Variants in CDH13 observed in about 807,000 individuals in gnomAD.
The protein encoded by CDH13 is cadherin-13.
In CDH13, 24 loss-of-function variants were observed where a neutral mutation model predicts 63.8. The ratio of observed to expected loss-of-function variants is 0.38; its 90% confidence interval spans 0.27 to 0.53. CDH13 has a LOEUF of 0.53. Among genes scored for constraint, CDH13 ranks in the 20% least tolerant of loss-of-function variants. The pLI, the probability that CDH13 is intolerant of heterozygous loss-of-function variation, is 0.85. For synonymous variants in CDH13, 503 were observed against 355.3 expected, an observed-to-expected ratio of 1.42 and a Z score of -4.67; for missense variants, 1,049 against 903.1, an observed-to-expected ratio of 1.16 and a Z score of -2.07.
intron 8 of CDH13, among the ~76,000 whole-genome samples, chr16:83,665,674 A>C (rs2150845708): frequency 6.6e-6 from 1 of 152,326 alleles, no homozygotes; most frequent in East Asian, 1.9e-4. Flanking sequence ...TCGTGAACTT[A>C]GTCTAGTATT....
intron 2 of CDH13, among the ~76,000 whole-genome samples, chr16:82,873,675 C>T (rs552065899): frequency 6.6e-6 from 1 of 152,278 alleles, no homozygotes; most frequent in East Asian, 1.9e-4. Context: ...GCAGTGCCTG[C>T]TACATGCAAT....
At chr16:83,140,443 C>T (rs1335353441) in intron 4 of CDH13, among the ~76,000 whole-genome samples, 1 of 152,130 alleles carries the variant, frequency 6.6e-6, no homozygotes, top group East Asian at 1.9e-4. Context: ...TTCACTTTCT[C>T]ATCTGATGTA....
At chr16:82,694,994 G>C (rs1262703927) in intron 1 of CDH13, among the ~76,000 whole-genome samples, 1 of 152,174 alleles carries the variant, frequency 6.6e-6, no homozygotes, top group Non-Finnish European at 1.5e-5. Flanking sequence ...AATGGTGCAT[G>C]TGTGTGGGGA....
chr16:83,375,666 A>G (rs1247574044), intron 6 of CDH13, among the ~76,000 whole-genome samples: 2 of 152,210 alleles, frequency 1.3e-5, no homozygotes, highest in Non-Finnish European at 2.9e-5. Context: ...TGATGGGGTG[A>G]GGCTAGGGAG....
At chr16:83,466,177 C>G (rs535186886) in intron 6 of CDH13, among the ~76,000 whole-genome samples, 1 of 152,170 alleles carries the variant, frequency 6.6e-6, no homozygotes, top group Non-Finnish European at 1.5e-5. Flanking sequence ...ACGCTGTTTC[C>G]GTTTAAGCAT....
intron 6 of CDH13, among the ~76,000 whole-genome samples, chr16:83,348,998 C>T (rs896642749): frequency 1.8e-4 from 28 of 152,256 alleles, no homozygotes; most frequent in African/African-American, 4.8e-4. Context: ...CCCATGTGTT[C>T]GAATGCCCTC....
chr16:83,136,843 C>A (rs373207094), intron 4 of CDH13, among the ~76,000 whole-genome samples: 2 of 152,262 alleles, frequency 1.3e-5, no homozygotes, highest in African/African-American at 4.8e-5. Flanking sequence ...AAGTCAGATG[C>A]TTTGGGTAGG....
chr16:82,707,470 G>C (rs112200663), intron 1 of CDH13, among the ~76,000 whole-genome samples: 6 of 152,298 alleles, frequency 3.9e-5, no homozygotes, highest in African/African-American at 1.2e-4. Flanking sequence ...AGAGATGATA[G>C]GGTGCAGGGC....
At position 83,080,871 on chromosome 16, in the gene CDH13, G is replaced by GTTTTTTTTTTTTTTTTTTTTTTT. The variant is rs71148809; in HGVS notation, c.367-44509_367-44487dup. ...AGATAGAGTTTTGTTTTGTTTTTGT[G>GTTTTTTTTTTTTTTTTTTTTTTT]TTTTTTTTTTTTTTTTTTTTTTTTT... On this transcript the variant is annotated intron_variant, in intron 3 of 13. Coordinates refer to ENST00000567109, the MANE Select transcript of CDH13 (RefSeq NM_001257.5). Among the ~76,000 whole-genome samples the GTTTTTTTTTTTTTTTTTTTTTTT allele has an allele frequency of 7.5e-4, 35 of 46,956 alleles. 7 individuals are homozygous for GTTTTTTTTTTTTTTTTTTTTTTT. The highest frequency in any genetic ancestry group is 1.3e-3 in the African/African-American group (14 of 10,816). The allele number at this position is 46,956 out of a possible 152,430, so 30.8% of individuals were successfully genotyped here.
chr16:83,186,144 TA>T (rs2038515915), intron 4 of CDH13, among the ~76,000 whole-genome samples: 1 of 128,012 alleles, frequency 7.8e-6, no homozygotes, highest in African/African-American at 3.2e-5. Context: ...TATTTTATTT[TA>T]TTTTATTTGA....
intron 13 of CDH13, among the ~76,000 whole-genome samples, chr16:83,791,989 T>A (rs1361477359): frequency 1.3e-5 from 2 of 152,242 alleles, no homozygotes; most frequent in Admixed American, 6.5e-5. Context: ...AAATACAGTT[T>A]CCTTTGCTAT....
intron 4 of CDH13, among the ~76,000 whole-genome samples, chr16:83,185,336 CT>C (rs2038486846): frequency 6.6e-6 from 1 of 152,154 alleles, no homozygotes; most frequent in Admixed American, 6.5e-5. Context: ...GATAAAGCAC[CT>C]GACCTACTGC....
intron 7 of CDH13, among the ~76,000 whole-genome samples, chr16:83,515,320 C>G (rs190357022): frequency 2.8e-4 from 43 of 152,312 alleles, no homozygotes; most frequent in African/African-American, 9.1e-4. Context: ...CACGACATTT[C>G]TCTTTTAAGC....
At chr16:82,813,256 G>A (rs988118892) in intron 1 of CDH13, among the ~76,000 whole-genome samples, 11 of 152,218 alleles carry the variant, frequency 7.2e-5, no homozygotes, top group African/African-American at 2.6e-4. Context: ...AAAAATAAGG[G>A]TGTCATCCTT....
intron 2 of CDH13, among the ~76,000 whole-genome samples, chr16:82,911,647 C>G (rs1225459183): frequency 2.0e-5 from 3 of 152,150 alleles, no homozygotes; most frequent in African/African-American, 4.8e-5. Flanking sequence ...GAAGATCCAC[C>G]AGGAGCCTCA....
At chr16:83,660,898 A>G (rs760707638) in intron 8 of CDH13, among the ~76,000 whole-genome samples, 5 of 151,640 alleles carry the variant, frequency 3.3e-5, no homozygotes, top group African/African-American at 7.3e-5. Flanking sequence ...CTAACGTCCA[A>G]TGAAATAAAG....
chr16:83,773,960 T>G (rs1192524667), intron 11 of CDH13, among the ~76,000 whole-genome samples: 1 of 152,178 alleles, frequency 6.6e-6, no homozygotes, highest in African/African-American at 2.4e-5. Flanking sequence ...TGGCATGGTC[T>G]TGTAGCTGGA....
intron 7 of CDH13, among the ~76,000 whole-genome samples, chr16:83,507,194 G>T (rs2074419565): frequency 6.6e-6 from 1 of 152,122 alleles, no homozygotes; most frequent in Non-Finnish European, 1.5e-5. Context: ...TTCTCACACA[G>T]ATTGTTTAGC....
intron 10 of CDH13, chr16:83,710,259 C>T (rs1008384637): frequency 1.3e-5 from 2 of 152,176 alleles, no homozygotes; most frequent in Non-Finnish European, 2.9e-5. Context: ...AAATCCTGGG[C>T]TGGAACAACA....
Sources: allele counts gnomAD v4.1 joint callset (sites outside exome capture counted in the v4.1 genomes callset), GRCh38; gene constraint gnomAD v4.1.1; transcripts MANE v1.5; gene names NCBI Gene and HGNC (gene_info 2026-07-23, HGNC 2026-07-21).